CATSPERE: variants seen among roughly 807,000 people sequenced by gnomAD.
The protein encoded by CATSPERE is catsper channel auxiliary subunit epsilon.
In CATSPERE, 93 loss-of-function variants were observed where a neutral mutation model predicts 114.1. The observed-to-expected ratio is 0.81, with a 90% CI of 0.69 to 0.97. The LOEUF (loss-of-function observed/expected upper bound fraction) is 0.97, where lower values mean the gene tolerates loss of function less well. Among genes scored for constraint, CATSPERE ranks in the 50% least tolerant of loss-of-function variants. CATSPERE has a pLI of 0.00. For missense variants in CATSPERE, 1,058 were observed against 1,131.6 expected (o/e 0.93, Z 0.93); for synonymous variants, 341 against 384.1 (o/e 0.89, Z 1.31).
At chr1:244,498,902 A>C (rs914922175) in intron 6 of CATSPERE, 100 bp from the exon 7 acceptor site, 1 of 879,104 alleles carries the variant, frequency 1.1e-6, no homozygotes, top group African/African-American at 1.7e-5. Flanking sequence ...CATCTCAAAA[A>C]AATAAAAAAA....
intron 6 of CATSPERE, among the ~76,000 whole-genome samples, chr1:244,493,515 A>G (rs1672588060): frequency 6.6e-6 from 1 of 152,228 alleles, no homozygotes; most frequent in Non-Finnish European, 1.5e-5. Context: ...AAACCTAGGC[A>G]ATACCATTCA....
intron 8 of CATSPERE, among the ~76,000 whole-genome samples, chr1:244,531,086 A>AAAG (rs1679514211): frequency 6.7e-6 from 1 of 149,242 alleles, no homozygotes; most frequent in African/African-American, 2.6e-5. Context: ...AAAATTTAAA[A>AAAG]AAAGCCGGGT....
At chr1:244,456,070 A>G (rs1371793819) in intron 1 of CATSPERE, among the ~76,000 whole-genome samples, 1 of 151,968 alleles carries the variant, frequency 6.6e-6, no homozygotes, top group Non-Finnish European at 1.5e-5. Flanking sequence ...CCTGGAAGAC[A>G]TGGAAACACC....
chr1:244,455,833 A>C (rs1225741516), intron 1 of CATSPERE, among the ~76,000 whole-genome samples: 1 of 151,916 alleles, frequency 6.6e-6, no homozygotes, highest in Non-Finnish European at 1.5e-5. Context: ...AAACCCCAAG[A>C]ATTAAAAGCA....
chr1:244,453,557 C>T (rs1016889280), upstream of CATSPERE, among the ~76,000 whole-genome samples: 55 of 152,286 alleles, frequency 3.6e-4, no homozygotes, highest in Middle Eastern at 3.4e-3. Flanking sequence ...GGTTCAGTGG[C>T]CCCCCTCCAG....
At chr1:244,474,916 T>A (rs560494163) in intron 2 of CATSPERE, among the ~76,000 whole-genome samples, 2 of 151,784 alleles carry the variant, frequency 1.3e-5, no homozygotes, top group Admixed American at 6.6e-5. Flanking sequence ...GCTAATTTTT[T>A]AATTTTTTAT....
intron 13 of CATSPERE, among the ~76,000 whole-genome samples, chr1:244,586,507 G>T (rs1418088073): frequency 6.6e-6 from 1 of 152,154 alleles, no homozygotes; most frequent in Non-Finnish European, 1.5e-5. Flanking sequence ...TAGTGTGGTT[G>T]GGAGAACAAA....
chr1:244,519,144 G>A (rs79811877), intron 8 of CATSPERE, among the ~76,000 whole-genome samples: 574 of 152,208 alleles, frequency 3.8e-3, no homozygotes, highest in African/African-American at 0.013. Context: ...CCTAGACACA[G>A]GGCAAGGTGC....
At chr1:244,519,179 G>T (rs1429921694) in intron 8 of CATSPERE, among the ~76,000 whole-genome samples, 1 of 152,142 alleles carries the variant, frequency 6.6e-6, no homozygotes, top group Non-Finnish European at 1.5e-5. Context: ...TAAAGTACCT[G>T]CCTTCAATAA....
At chr1:244,456,047 C>A (rs1666130810) in intron 1 of CATSPERE, among the ~76,000 whole-genome samples, 1 of 152,154 alleles carries the variant, frequency 6.6e-6, no homozygotes, top group Non-Finnish European at 1.5e-5. Flanking sequence ...ATCAGAGAAG[C>A]ATGCTTTGGC....
At chr1:244,613,291 C>T (rs2148698406) in intron 19 of CATSPERE, among the ~76,000 whole-genome samples, 1 of 152,162 alleles carries the variant, frequency 6.6e-6, no homozygotes, top group East Asian at 1.9e-4. Flanking sequence ...AGTGGGGATA[C>T]ATCAAAAAAA....
Position 244,502,374 on chromosome 1 carries a change from G to T in CATSPERE, c.429+3295G>T, listed in dbSNP as rs142651184. Among the ~76,000 whole-genome samples the T allele has an allele frequency of 4.1e-4, 63 of 152,044 alleles. No individual in the cohort carries two copies. The East Asian group carries it at 0.012, about 29-fold the overall frequency. On this transcript the variant is annotated intron_variant, in intron 7 of 21. Coordinates refer to ENST00000366534, the MANE Select transcript of CATSPERE (RefSeq NM_001130957.2). ...ATATGTGTCTTATAAACACTATAAA[G>T]TTGAGTTTTTGTTTCTGTTTTTTAT...
intron 1 of CATSPERE, among the ~76,000 whole-genome samples, chr1:244,462,679 G>T (rs1399664892): frequency 2.0e-5 from 3 of 152,072 alleles, no homozygotes; most frequent in Non-Finnish European, 2.9e-5. Flanking sequence ...TTATTTATAG[G>T]TATATGTAAA....
intron 8 of CATSPERE, among the ~76,000 whole-genome samples, chr1:244,519,799 A>C (rs1471770133): frequency 6.6e-6 from 1 of 151,606 alleles, no homozygotes; most frequent in Non-Finnish European, 1.5e-5. Flanking sequence ...AGAGTATGAC[A>C]TGACAATAAA....
At chr1:244,610,378 A>G (rs369093250) in intron 19 of CATSPERE, 52 bp downstream of exon 19, 2 of 1,346,820 alleles carry the variant, frequency 1.5e-6, no homozygotes, top group Non-Finnish European at 2.1e-6. Context: ...CTAATCTGGC[A>G]TTTTGCTATT....
intron 7 of CATSPERE, among the ~76,000 whole-genome samples, chr1:244,516,535 T>C (rs1676656191): frequency 1.3e-5 from 2 of 151,784 alleles, no homozygotes; most frequent in Admixed American, 6.6e-5. Flanking sequence ...TTTTTTTTTT[T>C]CTTTTGGAGA....
chr1:244,620,328 G>A (rs1418590855), intron 20 of CATSPERE, among the ~76,000 whole-genome samples: 2 of 152,186 alleles, frequency 1.3e-5, no homozygotes, highest in African/African-American at 4.8e-5. Flanking sequence ...AATCATATTT[G>A]TTGTGTAAGA....
In CATSPERE at chr1:244,522,305, A is replaced by C. The variant is rs189291331; in HGVS notation, c.536+3607A>C. ...AAACCAATGAAAACAAAGACACAAC[A>C]TACCAAATCTCTGGGATGCATTCAA... On this transcript the variant is annotated intron_variant, in intron 8 of 21. Transcript: ENST00000366534. Among the ~76,000 whole-genome samples, 11 of 152,348 alleles carry C rather than the reference A, an allele frequency of 7.2e-5. No homozygotes were observed. The East Asian group carries it at 2.1e-3, about 29-fold the overall frequency.
At chr1:244,527,228 G>C (rs1479779584) in intron 8 of CATSPERE, among the ~76,000 whole-genome samples, 2 of 152,086 alleles carry the variant, frequency 1.3e-5, no homozygotes, top group African/African-American at 4.8e-5. Flanking sequence ...AGGAGACTGG[G>C]GCTTATTTCA....
Sources: gnomAD v4.1 joint callset for allele counts (sites outside exome capture counted in the v4.1 genomes callset) on GRCh38, gnomAD v4.1.1 for gene constraint, MANE v1.5 for transcripts, NCBI Gene and HGNC (gene_info 2026-07-23, HGNC 2026-07-21) for gene names.